Variants in RBMXL1 observed in about 807,000 individuals in gnomAD.
RBMXL1 encodes RNA binding motif protein, X-linked-like-1.
A neutral mutation model predicts 29.0 loss-of-function variants in RBMXL1; 18 were observed. The observed-to-expected ratio is 0.62, with a 90% CI of 0.43 to 0.92. The LOEUF is 0.92. Ranked by LOEUF, RBMXL1 falls within the 40% of genes least tolerant of loss-of-function variation. RBMXL1 has a pLI of 0.00. For synonymous variants in RBMXL1, 141 were observed against 170.4 expected, an observed-to-expected ratio of 0.83 and a Z score of 1.34; for missense variants, 403 against 495.8, an observed-to-expected ratio of 0.81 and a Z score of 1.78.
chr1:88,988,212 A>C (rs749043742), intron 2 of RBMXL1, 40 bp downstream of exon 2: 1 of 1,359,336 alleles, frequency 7.4e-7, no homozygotes, highest in Middle Eastern at 1.8e-4. Flanking sequence ...GACAGTGCAG[A>C]ATATGTACAA....
At chr1:88,987,292 C>T (rs1677518302) in intron 2 of RBMXL1, among the ~76,000 whole-genome samples, 1 of 152,032 alleles carries the variant, frequency 6.6e-6, no homozygotes. Flanking sequence ...ACTTCCCTGG[C>T]TTCAACCGAC....
In RBMXL1 at chr1:88,983,170, G is replaced by A; in HGVS notation, c.657C>T (p.Ser219=). 2.5e-6 allele frequency: 4 copies of A among 1,612,584 alleles called. No homozygotes were observed. The highest frequency in any genetic ancestry group is 3.4e-6 in the Non-Finnish European group (4 of 1,180,006). ...PRDDGYSTKD[S]YSSRDYPSSR... is the part of the protein sequence containing the mutation. ...AACTTGGGTAATCTCTGCTTGAATA[G>A]CTGTCTTTAGTAGAATACCCATCAT... Residue 219 remains serine (S), a synonymous_variant, in exon 3 of 3, where the codon AGC becomes AGT. Coordinates refer to ENST00000652648, the MANE Select transcript of RBMXL1 (RefSeq NM_001162536.3).
chr1:88,983,965 T>C lies in RBMXL1; in HGVS notation c.-139A>G, dbSNP rs1677282205. 1 of 922,406 alleles carries C rather than the reference T, an allele frequency of 1.1e-6. No homozygotes were observed. Among genetic ancestry groups the C allele is most frequent in the Non-Finnish European group, 1.7e-6 (1 of 584,210 alleles). The allele number at this position is 922,406 out of a possible 1,614,324, so 57.1% of individuals were successfully genotyped here. On this transcript the variant is annotated 5_prime_UTR_variant, in exon 3 of 3. Coordinates refer to ENST00000652648, the MANE Select transcript of RBMXL1 (RefSeq NM_001162536.3). ...TGAACCGCGAAGCCGCTAGCACTAC[T>C]GCGCAATCTGGATGCTTTTTAAGGT... is the stretch of plus-strand genomic sequence containing the variant.
At chr1:88,990,201 G>A (rs559759488) in intron 1 of RBMXL1, among the ~76,000 whole-genome samples, 1 of 151,962 alleles carries the variant, frequency 6.6e-6, no homozygotes, top group Non-Finnish European at 1.5e-5. Context: ...TCCCTCTACG[G>A]ATACCTTGCT....
chr1:88,991,589 T>C lies in RBMXL1; in HGVS notation c.-341+996A>G, dbSNP rs192137722. Reference sequence around the variant, plus strand: ...GGGGGAGTACAGTGGAAGGATGCGCTTCAAAGCCACGTCTTTAGAACAAGA... The same window carrying C: ...GGGGGAGTACAGTGGAAGGATGCGCCTCAAAGCCACGTCTTTAGAACAAGA... On this transcript the variant is annotated intron_variant, in intron 1 of 2. Transcript: ENST00000652648. Among the ~76,000 whole-genome samples the C allele has an allele frequency of 2.2e-3, 342 of 152,334 alleles. 2 individuals are homozygous for C. The highest frequency in any genetic ancestry group is 2.7e-3 in the East Asian group (14 of 5,190).
chr1:88,988,758 A>G (rs1280004914), intron 1 of RBMXL1, among the ~76,000 whole-genome samples: 1 of 152,262 alleles, frequency 6.6e-6, no homozygotes, highest in Admixed American at 6.5e-5. Context: ...TAGTAAAAGC[A>G]TAGTTTGTAA....
At chr1:88,986,517 C>T (rs1334679499) in intron 2 of RBMXL1, among the ~76,000 whole-genome samples, 1 of 151,352 alleles carries the variant, frequency 6.6e-6, no homozygotes, top group East Asian at 2.0e-4. Flanking sequence ...GTCTTGAACT[C>T]CTGGTCTCAA....
intron 1 of RBMXL1, 96 bp from the exon 2 acceptor site, chr1:88,988,447 G>A (rs1005927621): frequency 1.7e-5 from 11 of 634,772 alleles, no homozygotes; most frequent in South Asian, 5.4e-5. Context: ...ATAAGCTTAC[G>A]TAAAATCCAA....
intron 2 of RBMXL1, among the ~76,000 whole-genome samples, chr1:88,986,477 A>G (rs1027645291): frequency 7.3e-5 from 11 of 151,412 alleles, no homozygotes; most frequent in African/African-American, 2.4e-4. Context: ...TGTTTAATAG[A>G]GATGAGGTTT....
At position 88,983,195 on chromosome 1, in the gene RBMXL1, T is replaced by C. The variant is rs777643879; in HGVS notation, c.632A>G (p.Asp211Gly). ...GCTGTCTTTAGTAGAATACCCATCA[T>C]CTCTTGGGGACAAATAAACATCTCT... is the stretch of plus-strand genomic sequence containing the variant. ...SRRDVYLSPR[D>G]DGYSTKDSYS... Residue 211 changes from aspartate (D) to glycine (G), a missense_variant, in exon 3 of 3, where the codon GAT becomes GGT. Physicochemically the swap from Asp to Gly is moderately conservative, Grantham distance 94 (BLOSUM62 -1). Transcript: ENST00000652648. 5.0e-6 allele frequency: 8 copies of C among 1,612,740 alleles called. No homozygotes were observed. The highest frequency in any genetic ancestry group is 4.5e-5 in the East Asian group (2 of 44,888).
intron 2 of RBMXL1, among the ~76,000 whole-genome samples, chr1:88,986,975 G>A (rs1288748843): frequency 6.6e-6 from 1 of 152,204 alleles, no homozygotes; most frequent in Non-Finnish European, 1.5e-5. Context: ...CACTTTGGCA[G>A]TTACTTAATT....
At chr1:88,990,451 T>C (rs1478689309) in intron 1 of RBMXL1, among the ~76,000 whole-genome samples, 1 of 152,226 alleles carries the variant, frequency 6.6e-6, no homozygotes, top group Non-Finnish European at 1.5e-5. Context: ...TTGACCTTCA[T>C]ATTGTTAAAT....
At chr1:88,988,499 T>C in intron 1 of RBMXL1, 148 bp from the exon 2 acceptor site, 1 of 507,856 alleles carries the variant, frequency 2.0e-6, no homozygotes, top group South Asian at 3.6e-5. Flanking sequence ...TTTCAAGTTT[T>C]CTTTCTATGA....
rs1677009264 is a variant in RBMXL1, at chr1:88,980,138, A to C, written c.*2516T>G. 6.6e-6 allele frequency: 1 copy of C among 152,348 alleles called. No homozygotes were observed. Among genetic ancestry groups the C allele is most frequent in the Non-Finnish European group, 1.5e-5 (1 of 68,038 alleles). The allele number at this position is 152,348 out of a possible 1,614,324, so 9.4% of individuals were successfully genotyped here. ...CAAAGCAAACTAATATATGGTGACA[A>C]AGACAAATCAGCAGCGTGAGGGATG... On this transcript the variant is annotated 3_prime_UTR_variant, in exon 3 of 3. Coordinates refer to ENST00000652648, the MANE Select transcript of RBMXL1 (RefSeq NM_001162536.3).
intron 1 of RBMXL1, among the ~76,000 whole-genome samples, chr1:88,989,877 G>A (rs1326134011): frequency 1.3e-5 from 2 of 152,158 alleles, no homozygotes; most frequent in Admixed American, 6.5e-5. Flanking sequence ...CCTGGCTGTG[G>A]ACTGCTGGAG....
chr1:88,981,212 A>T lies in RBMXL1; in HGVS notation c.*1442T>A, dbSNP rs550931136. ...GGTTGTTACTTTCCAGATGTCACTCATAAGTTTTATTCTACAACTAAACTG... is the reference window on the plus strand; with the variant it reads ...GGTTGTTACTTTCCAGATGTCACTCTTAAGTTTTATTCTACAACTAAACTG... On this transcript the variant is annotated 3_prime_UTR_variant, in exon 3 of 3. Coordinates refer to ENST00000652648, the MANE Select transcript of RBMXL1 (RefSeq NM_001162536.3). 101 of 152,368 alleles carry T rather than the reference A, an allele frequency of 6.6e-4. No individual in the cohort carries two copies. The highest frequency in any genetic ancestry group is 2.4e-3 in the African/African-American group (100 of 41,588). The allele number at this position is 152,368 out of a possible 1,614,324, so 9.4% of individuals were successfully genotyped here.
chr1:88,989,461 G>A (rs1169892913), intron 1 of RBMXL1, among the ~76,000 whole-genome samples: 2 of 152,268 alleles, frequency 1.3e-5, no homozygotes, highest in East Asian at 1.9e-4. Flanking sequence ...AAATTAATAA[G>A]GTTTGAGTTA....
intron 2 of RBMXL1, among the ~76,000 whole-genome samples, chr1:88,987,896 A>G (rs1285320541): frequency 1.3e-5 from 2 of 152,136 alleles, no homozygotes; most frequent in African/African-American, 4.8e-5. Context: ...AGATGTACGT[A>G]TTGTATTTGG....
rs1027147457 is a variant in RBMXL1, at chr1:88,981,311, T to C, written c.*1343A>G. ...CTTCACCAGATAGAGCTACCACTTA[T>C]ATCCATCATTTTTATAATTCATCTT... On this transcript the variant is annotated 3_prime_UTR_variant, in exon 3 of 3. Transcript: ENST00000652648. The C allele has an allele frequency of 7.2e-5, 11 of 152,230 alleles. No individual in the cohort carries two copies. The highest frequency in any genetic ancestry group is 2.1e-4 in the South Asian group (1 of 4,836). The allele number at this position is 152,230 out of a possible 1,614,324, so 9.4% of individuals were successfully genotyped here.
Sources: allele counts gnomAD v4.1 joint callset (sites outside exome capture counted in the v4.1 genomes callset), GRCh38; gene constraint gnomAD v4.1.1; transcripts MANE v1.5; gene names NCBI Gene and HGNC (gene_info 2026-07-23, HGNC 2026-07-21).